Variants in MAP4K4 observed in about 807,000 individuals in gnomAD.
The protein encoded by MAP4K4 is HPK/GCK-like kinase HGK.
In MAP4K4, 38 loss-of-function variants were observed where a neutral mutation model predicts 189.6. The observed-to-expected ratio is 0.20, with a 90% CI of 0.15 to 0.26. The LOEUF (loss-of-function observed/expected upper bound fraction) is 0.26. MAP4K4 is among the 10% of genes least tolerant of loss of function. The probability of loss-of-function intolerance (pLI) is 1.00; values close to 1 mark genes in which losing one functional copy is unlikely to be tolerated. For synonymous variants in MAP4K4, 610 were observed against 624.3 expected (o/e 0.98, Z 0.34); for missense variants, 1,054 against 1,726.9 (o/e 0.61, Z 6.91).
chr2:101,698,354 A>G, intron 1 of MAP4K4, 119 bp from the exon 2 acceptor site: 17 of 787,640 alleles, frequency 2.2e-5, no homozygotes, highest in East Asian at 3.4e-5. Context: ...GCGCTGGGGG[A>G]CCGCGCGGGG....
chr2:101,768,058 A>G (rs1422580326), intron 2 of MAP4K4, among the ~76,000 whole-genome samples: 1 of 152,116 alleles, frequency 6.6e-6, no homozygotes, highest in South Asian at 2.1e-4. Flanking sequence ...CATTGTACTT[A>G]TTTGTATACT....
chr2:101,856,483 CT>C (rs1232402533), intron 13 of MAP4K4, among the ~76,000 whole-genome samples: 1 of 151,348 alleles, frequency 6.6e-6, no homozygotes, highest in African/African-American at 2.4e-5. Flanking sequence ...TGATAATTAA[CT>C]TTTAAAAAAA....
chr2:101,874,296 A>T, intron 26 of MAP4K4, 44 bp downstream of exon 26: 1 of 1,548,302 alleles, frequency 6.5e-7, no homozygotes, highest in Non-Finnish European at 8.8e-7. Flanking sequence ...TTTTGTTCTG[A>T]GTGGTGGCTG....
intron 8 of MAP4K4, among the ~76,000 whole-genome samples, chr2:101,835,582 A>G (rs1001817650): frequency 6.6e-6 from 1 of 152,208 alleles, no homozygotes; most frequent in Non-Finnish European, 1.5e-5. Flanking sequence ...TGAAAATACA[A>G]TCATTTTCAT....
chr2:101,704,567 ATTTTTTTT>A (rs57278834), intron 2 of MAP4K4, among the ~76,000 whole-genome samples: 11 of 23,396 alleles, frequency 4.7e-4, no homozygotes, highest in Admixed American at 1.2e-3. Context: ...ATATATATAT[ATTTTTTTT>A]TTTTTTTTTT....
chr2:101,882,842 A>G (rs569713705), intron 28 of MAP4K4, among the ~76,000 whole-genome samples, 157 bp downstream of exon 28: 2 of 152,292 alleles, frequency 1.3e-5, no homozygotes, highest in Admixed American at 1.3e-4. Context: ...TCCAAGGCAC[A>G]TTCTAATCTT....
intron 2 of MAP4K4, among the ~76,000 whole-genome samples, chr2:101,745,894 G>T (rs1472356841): frequency 1.4e-5 from 2 of 144,522 alleles, no homozygotes; most frequent in East Asian, 4.0e-4. Flanking sequence ...TACTTGTATT[G>T]GCCCCCATTT....
At position 101,729,079 on chromosome 2, in the gene MAP4K4, AG is replaced by A. The variant is rs199561861; in HGVS notation, c.123+30542del. On this transcript the variant is annotated intron_variant, in intron 2 of 32. Coordinates refer to ENST00000324219, the Ensembl canonical transcript of MAP4K4. ...GGCTCAGAAAATGATTAGAGAGAGGAGAGAGAGAGAGAGAGAGAGAGAGTGT... is the reference window on the plus strand; with the variant it reads ...GGCTCAGAAAATGATTAGAGAGAGGAAGAGAGAGAGAGAGAGAGAGAGTGT... Among the ~76,000 whole-genome samples the A allele has an allele frequency of 4.6e-3, 503 of 108,466 alleles. 1 individual carries two copies. Among genetic ancestry groups the A allele is most frequent in the Middle Eastern group, 0.03 (7 of 234 alleles). 71.2% of individuals were successfully genotyped at this position (108,466 alleles called of 152,430 possible).
intron 2 of MAP4K4, among the ~76,000 whole-genome samples, chr2:101,779,836 A>G (rs947768592): frequency 2.6e-5 from 4 of 151,436 alleles, no homozygotes; most frequent in Admixed American, 6.6e-5. Flanking sequence ...AGGAGGGACA[A>G]TACAGTTATG....
At chr2:101,751,427 C>A (rs868175507) in intron 2 of MAP4K4, among the ~76,000 whole-genome samples, 1 of 152,204 alleles carries the variant, frequency 6.6e-6, no homozygotes, top group African/African-American at 2.4e-5. Context: ...TGGTTGGGAA[C>A]ACAATAGCTT....
exon 33 of MAP4K4, chr2:101,893,252 C>T (rs2098594623): frequency 2.2e-6 from 1 of 456,236 alleles, no homozygotes; most frequent in Non-Finnish European, 4.4e-6. Flanking sequence ...TTGTGTATAC[C>T]TGTAAAGACA....
chr2:101,753,899 G>A (rs541146187), intron 2 of MAP4K4, among the ~76,000 whole-genome samples: 2 of 152,236 alleles, frequency 1.3e-5, no homozygotes, highest in African/African-American at 4.8e-5. Context: ...GGGTTTGCAG[G>A]AACCACTAAA....
chr2:101,797,415 C>T, intron 3 of MAP4K4: 3 of 1,289,280 alleles, frequency 2.3e-6, no homozygotes, highest in Non-Finnish European at 3.0e-6. Context: ...TTTTGACAGT[C>T]TGTATCCCCC....
At chr2:101,871,736 C>T in intron 24 of MAP4K4, 51 bp downstream of exon 24, 6 of 1,484,020 alleles carry the variant, frequency 4.0e-6, no homozygotes, top group Non-Finnish European at 5.4e-6. Context: ...ACCAGCACTG[C>T]CTAGGAGTTA....
intron 2 of MAP4K4, among the ~76,000 whole-genome samples, chr2:101,783,293 G>A (rs1385939889): frequency 6.6e-6 from 1 of 151,978 alleles, no homozygotes; most frequent in Non-Finnish European, 1.5e-5. Flanking sequence ...AAAAAAAAAG[G>A]ATATTTGTTA....
intron 6 of MAP4K4, among the ~76,000 whole-genome samples, 193 bp from the exon 7 acceptor site, chr2:101,831,528 C>G (rs1251850230): frequency 6.6e-6 from 1 of 151,872 alleles, no homozygotes; most frequent in African/African-American, 2.4e-5. Context: ...TAGAGGATCT[C>G]ACAGTCTCGG....
intron 2 of MAP4K4, among the ~76,000 whole-genome samples, chr2:101,747,820 G>T (rs1390166046): frequency 1.3e-5 from 2 of 152,192 alleles, no homozygotes; most frequent in Non-Finnish European, 2.9e-5. Flanking sequence ...AAATAGGCTT[G>T]GTTAATCTTT....
exon 33 of MAP4K4, chr2:101,891,402 G>A (rs2150366764): frequency 1.6e-6 from 1 of 614,898 alleles, no homozygotes; most frequent in Non-Finnish European, 2.9e-6. Flanking sequence ...CCTCCTTCCT[G>A]TTCCTCTTAT....
intron 18 of MAP4K4, among the ~76,000 whole-genome samples, chr2:101,865,585 T>C (rs1264380275): frequency 2.0e-5 from 3 of 152,312 alleles, no homozygotes; most frequent in Non-Finnish European, 4.4e-5. Context: ...CATTCCTTAG[T>C]GCACTGGGTA....
Sources: allele counts gnomAD v4.1 joint callset (sites outside exome capture counted in the v4.1 genomes callset), GRCh38; gene constraint gnomAD v4.1.1; transcripts MANE v1.5; gene names NCBI Gene and HGNC (gene_info 2026-07-23, HGNC 2026-07-21).